The following MAGI3 variants were observed in gnomAD, a reference collection of about 807,000 sequenced individuals.
MAGI3 encodes membrane associated guanylate kinase, WW and PDZ domain containing 3, also known as membrane-associated guanylate kinase, WW and PDZ domain-containing protein 3.
A neutral mutation model predicts 121.8 loss-of-function variants in MAGI3; 43 were observed. The ratio of observed to expected loss-of-function variants is 0.35; its 90% CI spans 0.28 to 0.46. MAGI3 has a LOEUF of 0.46. Among genes scored for constraint, MAGI3 ranks in the 20% least tolerant of loss-of-function variants. The probability of loss-of-function intolerance (pLI) is 1.00; values close to 1 mark genes in which losing one functional copy is unlikely to be tolerated. For missense variants in MAGI3, 1,547 were observed against 1,797.3 expected, an observed-to-expected ratio of 0.86 and a Z score of 2.52; for synonymous variants, 553 against 639.3, an observed-to-expected ratio of 0.86 and a Z score of 2.04.
At chr1:113,666,787 T>C (rs1312115290) in intron 16 of MAGI3, among the ~76,000 whole-genome samples, 1 of 152,226 alleles carries the variant, frequency 6.6e-6, no homozygotes, top group African/African-American at 2.4e-5. Context: ...TTACCAAATA[T>C]ATTTCTTAAA....
At chr1:113,613,155 T>C (rs534252277) in intron 6 of MAGI3, among the ~76,000 whole-genome samples, 120 of 152,218 alleles carry the variant, frequency 7.9e-4, no homozygotes, top group Non-Finnish European at 1.5e-3. Flanking sequence ...ATAGATTTGC[T>C]TCATAGCTAA....
intron 1 of MAGI3, among the ~76,000 whole-genome samples, chr1:113,524,246 G>A (rs1276072836): frequency 1.3e-5 from 2 of 152,188 alleles, no homozygotes; most frequent in African/African-American, 2.4e-5. Context: ...AAAGCAAAAT[G>A]TGGGGTGGGT....
At chr1:113,448,662 G>A (rs1484844775) in intron 1 of MAGI3, among the ~76,000 whole-genome samples, 1 of 151,742 alleles carries the variant, frequency 6.6e-6, no homozygotes, top group Non-Finnish European at 1.5e-5. Flanking sequence ...TGATCTAAAT[G>A]CCTTTTTTTT....
intron 9 of MAGI3, among the ~76,000 whole-genome samples, chr1:113,623,447 C>CACAT (rs1650980289): frequency 1.3e-5 from 1 of 74,952 alleles, no homozygotes; most frequent in Non-Finnish European, 2.7e-5. Flanking sequence ...TATATATACA[C>CACAT]ACACATACAC....
At chr1:113,662,727 T>G (rs1456974386) in intron 16 of MAGI3, among the ~76,000 whole-genome samples, 1 of 152,222 alleles carries the variant, frequency 6.6e-6, no homozygotes, top group African/African-American at 2.4e-5. Context: ...CATTTTTTGT[T>G]GTGTGTTGGC....
chr1:113,651,608 T>G (rs946322533), intron 14 of MAGI3, among the ~76,000 whole-genome samples: 1 of 152,136 alleles, frequency 6.6e-6, no homozygotes, highest in Non-Finnish European at 1.5e-5. Context: ...TTCTCCTGCC[T>G]CAGCCTCCTG....
chr1:113,522,490 C>T (rs963905854), intron 1 of MAGI3, among the ~76,000 whole-genome samples: 6 of 152,210 alleles, frequency 3.9e-5, no homozygotes, highest in South Asian at 2.1e-4. Context: ...ACAATTTATA[C>T]AACCAGCTGT....
chr1:113,448,910 G>A (rs930967065), intron 1 of MAGI3, among the ~76,000 whole-genome samples: 4 of 152,132 alleles, frequency 2.6e-5, no homozygotes, highest in African/African-American at 7.2e-5. Context: ...CCTGAGGTCG[G>A]GAGTTCAAGA....
chr1:113,457,570 A>G (rs938995852), intron 1 of MAGI3, among the ~76,000 whole-genome samples: 3 of 151,948 alleles, frequency 2.0e-5, no homozygotes, highest in African/African-American at 7.3e-5. Flanking sequence ...TGTCAATTAA[A>G]TGACCGATAT....
intron 1 of MAGI3, among the ~76,000 whole-genome samples, chr1:113,491,711 A>G (rs1656675582): frequency 6.6e-6 from 1 of 152,200 alleles, no homozygotes; most frequent in African/African-American, 2.4e-5. Context: ...ATGAAAATAT[A>G]AATAACCATC....
chr1:113,529,792 A>G (rs1422112416), intron 1 of MAGI3, among the ~76,000 whole-genome samples: 1 of 152,192 alleles, frequency 6.6e-6, no homozygotes, highest in Admixed American at 6.5e-5. Flanking sequence ...TGAGATATAA[A>G]CATTATATTT....
At position 113,529,248 on chromosome 1, in the gene MAGI3, G is replaced by A. The variant is rs1306154544; in HGVS notation, c.317-20267G>A. 7.2e-5 allele frequency among the ~76,000 whole-genome samples: 11 copies of A among 152,222 alleles called. No individual in the cohort carries two copies. In the South Asian group the frequency reaches 1.0e-3, roughly 14 times the overall value. ...ACTGTGTAACTGTCCTTGTTAATTA[G>A]CGTTGCTATAATGAAAATTCCATAA... On this transcript the variant is annotated intron_variant, in intron 1 of 20. Transcript: ENST00000307546.
At chr1:113,415,985 ATTAAT>A (rs1411852411) in intron 1 of MAGI3, among the ~76,000 whole-genome samples, 20 of 89,986 alleles carry the variant, frequency 2.2e-4, no homozygotes, top group South Asian at 5.9e-4. Flanking sequence ...ATTTATATAT[ATTAAT>A]TATATAATTA....
intron 1 of MAGI3, among the ~76,000 whole-genome samples, chr1:113,524,683 A>G (rs1164857490): frequency 3.9e-5 from 6 of 152,188 alleles, no homozygotes; most frequent in Middle Eastern, 3.2e-3. Context: ...TTGCAGGCTC[A>G]TAGGCAGAAG....
At position 113,653,899 on chromosome 1, in the gene MAGI3, G is replaced by C. The variant is rs143698690; in HGVS notation, c.2510G>C (p.Arg837Pro). The change falls in exon 15 of 21, where the codon CGG becomes CCG. Residue 837 changes from arginine (R) to proline (P), a missense_variant. By Grantham distance (103) the Arg-to-Pro change is moderately radical. Coordinates refer to ENST00000307546, the MANE Select transcript of MAGI3 (RefSeq NM_001142782.2). ...CAGAATGGATCTCCCCGCCTGAACC[G>C]GGCAGAGGTCCCAGCCAGGCCTGCA... is the stretch of plus-strand genomic sequence containing the variant. ...STQNGSPRLNRAEVPARPAPQ... is the reference protein window; with the variant it reads ...STQNGSPRLNPAEVPARPAPQ... The C allele has an allele frequency of 3.7e-6, 6 of 1,613,944 alleles. No individual in the cohort carries two copies. Among genetic ancestry groups the C allele is most frequent in the South Asian group, 1.1e-5 (1 of 91,066 alleles).
intron 9 of MAGI3, among the ~76,000 whole-genome samples, chr1:113,634,836 T>A (rs1406519600): frequency 6.6e-6 from 1 of 152,202 alleles, no homozygotes; most frequent in Non-Finnish European, 1.5e-5. Context: ...TATGGCCATT[T>A]TCACGATATT....
intron 1 of MAGI3, among the ~76,000 whole-genome samples, chr1:113,540,332 A>C (rs1198356652): frequency 6.6e-6 from 1 of 152,234 alleles, no homozygotes; most frequent in Non-Finnish European, 1.5e-5. Context: ...ACACATGCTT[A>C]AGATCCAGTG....
intron 1 of MAGI3, among the ~76,000 whole-genome samples, chr1:113,525,265 T>A (rs1311344810): frequency 2.0e-5 from 3 of 152,202 alleles, no homozygotes; most frequent in South Asian, 4.1e-4. Context: ...TTTTTATTCT[T>A]TCTCTCTCTG....
intron 19 of MAGI3, among the ~76,000 whole-genome samples, chr1:113,678,629 C>T (rs1446635482): frequency 6.6e-6 from 1 of 152,124 alleles, no homozygotes; most frequent in Non-Finnish European, 1.5e-5. Flanking sequence ...GTTAAATCTT[C>T]GTAATGATAC....
Sources: gnomAD v4.1 joint callset for allele counts (sites outside exome capture counted in the v4.1 genomes callset) on GRCh38, gnomAD v4.1.1 for gene constraint, MANE v1.5 for transcripts, NCBI Gene and HGNC (gene_info 2026-07-23, HGNC 2026-07-21) for gene names.